Variants in SULF2 observed in about 807,000 individuals in gnomAD.
SULF2 encodes extracellular sulfatase Sulf-2.
SULF2 carries 52 observed loss-of-function variants against 107.7 expected under a neutral mutation model. The ratio of observed to expected loss-of-function variants is 0.48; its 90% confidence interval spans 0.39 to 0.61. The LOEUF (loss-of-function observed/expected upper bound fraction) is 0.61. Among genes scored for constraint, SULF2 ranks in the 20% least tolerant of loss-of-function variants. The pLI, the probability that SULF2 is intolerant of heterozygous loss-of-function variation, is 0.00. For missense variants in SULF2, 993 were observed against 1,177.3 expected (o/e 0.84, Z 2.29); for synonymous variants, 460 against 464.3 (o/e 0.99, Z 0.12).
At chr20:47,674,061 T>G (rs893223104) in intron 10 of SULF2, among the ~76,000 whole-genome samples, 5 of 152,276 alleles carry the variant, frequency 3.3e-5, no homozygotes, top group African/African-American at 1.2e-4. Flanking sequence ...AGCCTGTTTT[T>G]GTATGGCCTG....
chr20:47,737,435 C>G (rs964971579), intron 2 of SULF2, among the ~76,000 whole-genome samples: 16 of 151,608 alleles, frequency 1.1e-4, no homozygotes, highest in African/African-American at 3.4e-4. Flanking sequence ...TGGAACTTTC[C>G]CAATAATTGT....
chr20:47,772,319 C>G (rs2090645822), intron 1 of SULF2, among the ~76,000 whole-genome samples: 1 of 152,246 alleles, frequency 6.6e-6, no homozygotes, highest in Non-Finnish European at 1.5e-5. Context: ...CCATGAGATG[C>G]AAGTAGCACC....
chr20:47,769,242 G>A (rs1285316159), intron 1 of SULF2, among the ~76,000 whole-genome samples: 1 of 152,012 alleles, frequency 6.6e-6, no homozygotes, highest in African/African-American at 2.4e-5. Context: ...GGCTTTCACT[G>A]TGTTAGCCAG....
At chr20:47,682,162 T>G (rs1398398150) in intron 7 of SULF2, among the ~76,000 whole-genome samples, 1 of 152,228 alleles carries the variant, frequency 6.6e-6, no homozygotes. Flanking sequence ...TCATGCAGCC[T>G]GCCTCCTGGA....
intron 3 of SULF2, among the ~76,000 whole-genome samples, chr20:47,720,591 T>A (rs1479112464): frequency 6.6e-6 from 1 of 152,086 alleles, no homozygotes; most frequent in Non-Finnish European, 1.5e-5. Context: ...ATCTGGGTAT[T>A]TTTGGTTAAA....
chr20:47,770,033 G>A (rs1422144210), intron 1 of SULF2, among the ~76,000 whole-genome samples: 2 of 150,794 alleles, frequency 1.3e-5, no homozygotes, highest in African/African-American at 4.9e-5. Context: ...TCTAGCTTGC[G>A]GGTGATGTGA....
At chr20:47,765,567 C>T (rs1442164232) in intron 1 of SULF2, among the ~76,000 whole-genome samples, 1 of 152,104 alleles carries the variant, frequency 6.6e-6, no homozygotes, top group Non-Finnish European at 1.5e-5. Context: ...GACCTGAGGG[C>T]CTCCTCAGGT....
intron 4 of SULF2, among the ~76,000 whole-genome samples, chr20:47,695,124 T>C (rs945572861): frequency 5.3e-5 from 8 of 152,218 alleles, no homozygotes; most frequent in African/African-American, 1.9e-4. Flanking sequence ...GCAGGCCCCC[T>C]GTCTCTGTTG....
chr20:47,770,425 T>C (rs1379099201), intron 1 of SULF2, among the ~76,000 whole-genome samples: 3 of 151,830 alleles, frequency 2.0e-5, no homozygotes, highest in Non-Finnish European at 1.5e-5. Flanking sequence ...GGCATGAGGG[T>C]AGGCACAGGG....
chr20:47,698,729 TA>T (rs892066542), intron 4 of SULF2, among the ~76,000 whole-genome samples: 2 of 151,886 alleles, frequency 1.3e-5, no homozygotes, highest in African/African-American at 4.8e-5. Flanking sequence ...CTAGTCTGAT[TA>T]AAAAAAATTA....
At chr20:47,779,808 T>A (rs2090790910) in intron 1 of SULF2, among the ~76,000 whole-genome samples, 1 of 152,118 alleles carries the variant, frequency 6.6e-6, no homozygotes, top group Admixed American at 6.6e-5. Context: ...GGTTTCACCA[T>A]GTTGGCCAGG....
chr20:47,780,015 C>CTTTTTTTTTTTTTTTT (rs74178766), intron 1 of SULF2, among the ~76,000 whole-genome samples: 1 of 120,494 alleles, frequency 8.3e-6, no homozygotes, highest in Non-Finnish European at 1.7e-5. Flanking sequence ...CCCTAGTTGA[C>CTTTTTTTTTTTTTTTT]TTTTTTTTTT....
intron 1 of SULF2, among the ~76,000 whole-genome samples, chr20:47,764,666 G>A (rs745474008): frequency 2.0e-5 from 3 of 152,180 alleles, no homozygotes; most frequent in Non-Finnish European, 2.9e-5. Flanking sequence ...GATGGAGCCC[G>A]AGAGAGAGGA....
At position 47,763,129 on chromosome 20, in the gene SULF2, T is replaced by A. The variant is rs118103560; in HGVS notation, c.-100-5666A>T. Among the ~76,000 whole-genome samples, 44 of 152,184 alleles carry A rather than the reference T, an allele frequency of 2.9e-4. No homozygotes were observed. The East Asian group carries it at 8.3e-3, about 29-fold the overall frequency. ...GCAGCACCAGCCGCCTGCCACTCCATCCCTGCTGTGGACAACACCTCTCCT... is the reference window on the plus strand; with the variant it reads ...GCAGCACCAGCCGCCTGCCACTCCAACCCTGCTGTGGACAACACCTCTCCT... On this transcript the variant is annotated intron_variant, in intron 1 of 20. Transcript: ENST00000688720.
intron 3 of SULF2, among the ~76,000 whole-genome samples, chr20:47,715,682 A>G (rs112884793): frequency 0.1 from 15,741 of 150,530 alleles, 836 homozygotes; most frequent in Middle Eastern, 0.18. Context: ...CCCGGGTTCC[A>G]GTGATTCTCT....
intron 4 of SULF2, among the ~76,000 whole-genome samples, chr20:47,693,836 G>C (rs142661804): frequency 6.6e-6 from 1 of 152,210 alleles, no homozygotes; most frequent in Non-Finnish European, 1.5e-5. Context: ...CAAAGTGTGT[G>C]GGGGGTGATT....
intron 7 of SULF2, among the ~76,000 whole-genome samples, chr20:47,681,915 C>T (rs1412754934): frequency 6.6e-6 from 1 of 152,176 alleles, no homozygotes; most frequent in East Asian, 1.9e-4. Context: ...GAACTCCTGA[C>T]CTCAAATGAT....
Position 47,663,002 on chromosome 20 carries a change from G to C in SULF2, c.2370+68C>G, listed in dbSNP as rs137918940. 440 of 1,519,236 alleles carry C rather than the reference G, an allele frequency of 2.9e-4. 2 individuals carry two copies. In the African/African-American group the frequency reaches 5.6e-3, roughly 19 times the overall value. The allele number at this position is 1,519,236 out of a possible 1,614,324, so 94.1% of individuals were successfully genotyped here. A position where few individuals can be genotyped will look rare whatever the true frequency, so the allele number is the denominator to read the frequency against. ...AATTTGTCATCACTTCCCTGAGGTT[G>C]GGGGGGGCCTACCTGGCAGCACTGG... On this transcript the variant is annotated intron_variant, in intron 17 of 20. Transcript: ENST00000688720.
intron 3 of SULF2, among the ~76,000 whole-genome samples, chr20:47,727,127 A>G (rs2089466031): frequency 6.6e-6 from 1 of 152,128 alleles, no homozygotes; most frequent in South Asian, 2.1e-4. Flanking sequence ...CCCAAAATAT[A>G]TGCTCAAGTC....
Sources: gnomAD v4.1 joint callset for allele counts (sites outside exome capture counted in the v4.1 genomes callset) on GRCh38, gnomAD v4.1.1 for gene constraint, MANE v1.5 for transcripts, NCBI Gene and HGNC (gene_info 2026-07-23, HGNC 2026-07-21) for gene names.